Variants in DDX31 observed in about 807,000 individuals in gnomAD.
DDX31 encodes the protein DEAD-box helicase 31, also known as ATP-dependent DNA helicase DDX31.
Under a neutral mutation model 91.3 loss-of-function variants are expected in DDX31, and 70 were observed. That is an observed-to-expected ratio of 0.77 (90% CI 0.63 to 0.94). The LOEUF (loss-of-function observed/expected upper bound fraction) is 0.94, where lower values mean the gene tolerates loss of function less well. Among genes scored for constraint, DDX31 ranks in the 40% least tolerant of loss-of-function variants. The pLI is 0.00. For missense variants in DDX31, 902 were observed against 925.0 expected (o/e 0.98, Z 0.32); for synonymous variants, 362 against 350.6 (o/e 1.03, Z -0.36).
At chr9:132,601,287 G>A (rs566683305) in intron 19 of DDX31, among the ~76,000 whole-genome samples, 27 of 152,332 alleles carry the variant, frequency 1.8e-4, no homozygotes, top group African/African-American at 6.5e-4. Context: ...CTTGAACTGG[G>A]ACAGATGTCA....
chr9:132,631,647 T>C (rs1305157899), intron 15 of DDX31, among the ~76,000 whole-genome samples: 1 of 152,236 alleles, frequency 6.6e-6, no homozygotes, highest in African/African-American at 2.4e-5. Flanking sequence ...TGTCAGGAAC[T>C]TAATTGCTCC....
chr9:132,669,693 TAG>T, intron 1 of DDX31, 165 bp downstream of exon 1: 1 of 1,533,828 alleles, frequency 6.5e-7, no homozygotes, highest in East Asian at 2.4e-5. Context: ...GTGTTCCGGT[TAG>T]AGACACGTGT....
intron 9 of DDX31, 84 bp from the exon 10 acceptor site, chr9:132,648,635 A>C (rs930419274): frequency 6.7e-7 from 1 of 1,499,464 alleles, no homozygotes; most frequent in African/African-American, 1.4e-5. Context: ...CAAAATAGAC[A>C]GACTCATTTC....
chr9:132,667,898 T>C (rs1233689814), intron 1 of DDX31, among the ~76,000 whole-genome samples: 2 of 152,224 alleles, frequency 1.3e-5, no homozygotes, highest in Non-Finnish European at 2.9e-5. Flanking sequence ...ATGTATACTA[T>C]CTCAATGAAT....
At position 132,658,702 on chromosome 9, in the gene DDX31, T is replaced by C; in HGVS notation, c.557A>G (p.Gln186Arg). ...TTTTGACTCCATTGCTTGAAGGGAC[T>C]GGACCACAGGGATGCAATAGGCAAG... Reference protein sequence around the residue: ...KTLAYCIPVVQSLQAMESKIQ... With the variant: ...KTLAYCIPVVRSLQAMESKIQ... Residue 186 changes from glutamine to arginine, a missense_variant, in exon 6 of 20, where the codon CAG becomes CGG. Physicochemically the swap from Gln to Arg is conservative, Grantham distance 43. Coordinates refer to ENST00000372159, the MANE Select transcript of DDX31 (RefSeq NM_022779.9). 7 of 1,613,912 alleles carry C rather than the reference T, an allele frequency of 4.3e-6. No individual in the cohort carries two copies. The highest frequency in any genetic ancestry group is 5.9e-6 in the Non-Finnish European group (7 of 1,179,934).
At chr9:132,664,728 A>AAAC (rs1554773615) in intron 1 of DDX31, among the ~76,000 whole-genome samples, 2 of 151,552 alleles carry the variant, frequency 1.3e-5, no homozygotes, top group Non-Finnish European at 2.9e-5. Flanking sequence ...AAAAAAAAAA[A>AAAC]AAAAAAAAAC....
chr9:132,654,384 G>A (rs189164182), intron 6 of DDX31, among the ~76,000 whole-genome samples: 39 of 152,320 alleles, frequency 2.6e-4, no homozygotes, highest in Non-Finnish European at 4.7e-4. Context: ...GCTGAGGTGG[G>A]TGGATTACTT....
chr9:132,636,400 A>G (rs550254252), intron 14 of DDX31, among the ~76,000 whole-genome samples: 2 of 152,338 alleles, frequency 1.3e-5, no homozygotes, highest in African/African-American at 4.8e-5. Flanking sequence ...CTTTAAGTGC[A>G]CTGCAGTGGG....
chr9:132,639,816 T>C (rs73562914), intron 14 of DDX31, among the ~76,000 whole-genome samples: 1,767 of 152,314 alleles, frequency 0.012, 24 homozygotes, highest in African/African-American at 0.032. Flanking sequence ...AGATAAAATA[T>C]TCTGTTCCTA....
chr9:132,658,205 T>C, intron 6 of DDX31: 2 of 688,182 alleles, frequency 2.9e-6, no homozygotes. Context: ...TAACCTTCAC[T>C]GTAAGTCTTC....
At chr9:132,606,241 G>A (rs1325956175) in intron 19 of DDX31, among the ~76,000 whole-genome samples, 4 of 152,180 alleles carry the variant, frequency 2.6e-5, no homozygotes, top group Non-Finnish European at 5.9e-5. Flanking sequence ...TTTTCACAGT[G>A]GGCAAGATTC....
At chr9:132,648,648 G>C in intron 9 of DDX31, 97 bp from the exon 10 acceptor site, 1 of 1,434,562 alleles carries the variant, frequency 7.0e-7, no homozygotes, top group Non-Finnish European at 9.3e-7. Context: ...CTCATTTCAT[G>C]TACAGTGCAA....
chr9:132,615,061 G>A (rs1831553021), intron 18 of DDX31, among the ~76,000 whole-genome samples: 1 of 152,152 alleles, frequency 6.6e-6, no homozygotes, highest in Non-Finnish European at 1.5e-5. Flanking sequence ...ACAAGCGGAA[G>A]GTGGAGAAGT....
chr9:132,657,162 A>G (rs867030012), intron 6 of DDX31, among the ~76,000 whole-genome samples: 304 of 152,374 alleles, frequency 2.0e-3, no homozygotes, highest in African/African-American at 6.7e-3. Flanking sequence ...TAATTGAAAA[A>G]GTATCATTTT....
At chr9:132,612,278 G>C (rs770134913) in intron 18 of DDX31, 23 bp from the exon 19 acceptor site, 2 of 1,613,902 alleles carry the variant, frequency 1.2e-6, no homozygotes. Context: ...AGAGCGGGGA[G>C]GGAAGCTGTC....
In DDX31 at chr9:132,594,606, C is replaced by T. The variant is rs1268838667; in HGVS notation, c.*260G>A. 7.4e-6 allele frequency: 3 copies of T among 402,860 alleles called. No individual in the cohort carries two copies. The highest frequency in any genetic ancestry group is 1.3e-5 in the Non-Finnish European group (3 of 232,910). 25.0% of individuals were successfully genotyped at this position (402,860 alleles called of 1,614,324 possible). ...GTCAGCACCTGGGTGAAGGGAGTGC[C>T]GGGCACTGATGGGATCAATACAAGA... is the stretch of plus-strand genomic sequence containing the variant. On this transcript the variant is annotated 3_prime_UTR_variant, in exon 20 of 20. Coordinates refer to ENST00000372159, the MANE Select transcript of DDX31 (RefSeq NM_022779.9).
intron 1 of DDX31, among the ~76,000 whole-genome samples, chr9:132,666,960 G>T (rs1423819971): frequency 1.3e-5 from 2 of 151,896 alleles, no homozygotes; most frequent in African/African-American, 4.8e-5. Flanking sequence ...TGATCCACCG[G>T]CCTCGGCCTC....
rs1444733110 is a variant in DDX31, at chr9:132,625,715, C to A, written c.1662G>T (p.Leu554Phe). The change falls in exon 17 of 20, where the codon TTG (leucine) becomes TTT (phenylalanine). Residue 554 changes from leucine (L) to phenylalanine (F), a missense_variant. Transcript: ENST00000372159. Reference sequence around the variant, plus strand: ...AACAATCATCTCTTGTCAGAACACACAAAATATCTTCCATCTTAATCTCAG... The same window carrying A: ...AACAATCATCTCTTGTCAGAACACAAAAAATATCTTCCATCTTAATCTCAG... ...NVSEIKMEDI[L>F]CVLTRDDCFK... 3.1e-6 allele frequency: 5 copies of A among 1,613,752 alleles called. No homozygotes were observed. The highest frequency in any genetic ancestry group is 1.3e-5 in the African/African-American group (1 of 74,880).
At chr9:132,642,598 G>C (rs1479428565) in intron 13 of DDX31, among the ~76,000 whole-genome samples, 1 of 150,896 alleles carries the variant, frequency 6.6e-6, no homozygotes, top group Admixed American at 6.6e-5. Flanking sequence ...GACGTTTCCC[G>C]AGTCTCCATT....
Sources: gnomAD v4.1 joint callset for allele counts (sites outside exome capture counted in the v4.1 genomes callset) on GRCh38, gnomAD v4.1.1 for gene constraint, MANE v1.5 for transcripts, NCBI Gene and HGNC (gene_info 2026-07-23, HGNC 2026-07-21) for gene names.